Variants in EBF1 observed in about 807,000 individuals in gnomAD.
EBF1 encodes the protein transcription factor COE1.
In EBF1, 10 loss-of-function variants were observed where a neutral mutation model predicts 68.4. That is an observed-to-expected ratio of 0.15 (90% CI 0.09 to 0.25). The LOEUF (loss-of-function observed/expected upper bound fraction) is 0.25. Among genes scored for constraint, EBF1 ranks in the 10% least tolerant of loss-of-function variants. The probability of loss-of-function intolerance (pLI) is 1.00; values close to 1 mark genes in which losing one functional copy is unlikely to be tolerated. For missense variants in EBF1, 509 were observed against 794.4 expected (o/e 0.64, Z 4.32); for synonymous variants, 298 against 299.8 (o/e 0.99, Z 0.06).
In EBF1 at chr5:158,745,902, T is replaced by C. The variant is rs376410665; in HGVS notation, c.1037-14745A>G. On this transcript the variant is annotated intron_variant, in intron 10 of 15. Coordinates refer to ENST00000313708, the MANE Select transcript of EBF1 (RefSeq NM_024007.5). ...CTCTGATTCTTTCTTTCACGTGCCA[T>C]CCCAAGTGCTAGAGAGGCTTTCCTA... 2.6e-5 allele frequency among the ~76,000 whole-genome samples: 4 copies of C among 152,124 alleles called. No individual in the cohort carries two copies. The East Asian group carries it at 7.7e-4, about 29-fold the overall frequency.
At chr5:158,790,849 G>A (rs1310033300) in intron 9 of EBF1, among the ~76,000 whole-genome samples, 1 of 152,140 alleles carries the variant, frequency 6.6e-6, no homozygotes, top group Non-Finnish European at 1.5e-5. Context: ...GCAGTTTTGT[G>A]GCCAATTAAA....
chr5:158,998,342 T>C (rs182555744), intron 6 of EBF1, among the ~76,000 whole-genome samples: 2 of 152,288 alleles, frequency 1.3e-5, no homozygotes, highest in Non-Finnish European at 2.9e-5. Context: ...AAACTGCCCC[T>C]ACTCCGCAAG....
At chr5:159,089,640 C>T (rs972390877) in intron 4 of EBF1, among the ~76,000 whole-genome samples, 9 of 151,926 alleles carry the variant, frequency 5.9e-5, no homozygotes, top group African/African-American at 1.2e-4. Flanking sequence ...AAAATAAAGG[C>T]GGTGAAGAGA....
chr5:159,014,371 ATTAAAAAGAGCTATGTT>A (rs1006116669), intron 6 of EBF1, among the ~76,000 whole-genome samples: 5 of 152,236 alleles, frequency 3.3e-5, no homozygotes, highest in African/African-American at 1.2e-4. Flanking sequence ...CCATGTTTTA[ATTAAAAAGAGCTATGTT>A]TTAAATGATG....
At chr5:159,016,307 G>C (rs192482882) in intron 6 of EBF1, among the ~76,000 whole-genome samples, 2 of 152,146 alleles carry the variant, frequency 1.3e-5, no homozygotes, top group Non-Finnish European at 1.5e-5. Flanking sequence ...GAAGAACTTG[G>C]CCAGTGGCTT....
intron 6 of EBF1, among the ~76,000 whole-genome samples, chr5:159,038,039 C>T (rs1770437758): frequency 6.6e-6 from 1 of 152,172 alleles, no homozygotes; most frequent in Non-Finnish European, 1.5e-5. Context: ...TTTTGAAGAA[C>T]TCACCACACT....
chr5:158,793,256 A>C (rs558325916), intron 9 of EBF1, among the ~76,000 whole-genome samples: 67 of 152,320 alleles, frequency 4.4e-4, no homozygotes, highest in Non-Finnish European at 8.5e-4. Context: ...AGCTAATATT[A>C]GTCACACTCT....
At chr5:158,743,910 C>T (rs893798294) in intron 10 of EBF1, among the ~76,000 whole-genome samples, 1 of 152,094 alleles carries the variant, frequency 6.6e-6, no homozygotes. Flanking sequence ...GTGGCTCATG[C>T]CTGCAATCCC....
chr5:158,911,642 T>C (rs1178971216), intron 6 of EBF1, among the ~76,000 whole-genome samples: 1 of 150,806 alleles, frequency 6.6e-6, no homozygotes, highest in Non-Finnish European at 1.5e-5. Flanking sequence ...AATCATAACA[T>C]AATAATCATC....
At chr5:158,786,871 G>A (rs1456822572) in intron 9 of EBF1, among the ~76,000 whole-genome samples, 3 of 151,960 alleles carry the variant, frequency 2.0e-5, no homozygotes, top group Non-Finnish European at 4.4e-5. Context: ...AAGTAGTCAG[G>A]GAATAAATTC....
intron 15 of EBF1, among the ~76,000 whole-genome samples, chr5:158,703,216 A>C (rs983146964): frequency 6.6e-6 from 1 of 152,250 alleles, no homozygotes; most frequent in Non-Finnish European, 1.5e-5. Context: ...ATAGTTGGTG[A>C]CTCAAGTCTT....
intron 6 of EBF1, among the ~76,000 whole-genome samples, chr5:158,964,821 T>C (rs1753782372): frequency 6.6e-6 from 1 of 152,214 alleles, no homozygotes; most frequent in Non-Finnish European, 1.5e-5. Context: ...CTTTCCATTT[T>C]TTACTTGACA....
chr5:159,035,015 C>T (rs542869014), intron 6 of EBF1, among the ~76,000 whole-genome samples: 16 of 152,196 alleles, frequency 1.1e-4, no homozygotes, highest in Admixed American at 6.5e-5. Context: ...GGGGTATTTC[C>T]TACTAGAAAA....
chr5:159,097,059 T>A lies in EBF1; in HGVS notation c.206A>T (p.His69Leu). Residue 69 changes from histidine (H) to leucine (L), a missense_variant, in exon 2 of 16, where the codon CAC becomes CTC. By Grantham distance (99) the His-to-Leu change is moderately conservative. Transcript: ENST00000313708. ...PSNLRKSNFF[H>L]FVLALYDRQG... The stretch of plus-strand genomic sequence containing the variant: ...TCTGTCGTAGAGGGCCAGGACGAAG[T>A]GGAAGAAGTTGGATTTCCGCAGATT... 6.2e-7 allele frequency: 1 copy of A among 1,613,908 alleles called. No homozygotes were observed. Among genetic ancestry groups the A allele is most frequent in the Non-Finnish European group, 8.5e-7 (1 of 1,179,944 alleles).
In EBF1 at chr5:159,070,917, A is replaced by G. The variant is rs191520090; in HGVS notation, c.554+2479T>C. Among the ~76,000 whole-genome samples, 532 of 152,346 alleles carry G rather than the reference A, an allele frequency of 3.5e-3. 1 individual carries two copies. The highest frequency in any genetic ancestry group is 0.017 in the Middle Eastern group (5 of 294). ...AGATATTATGCAATCAGTAATATAG[A>G]ATCAAATTGGAAACTATGAAATTCA... On this transcript the variant is annotated intron_variant, in intron 6 of 15. Transcript: ENST00000313708.
intron 6 of EBF1, among the ~76,000 whole-genome samples, chr5:159,059,289 C>T (rs934540894): frequency 2.6e-5 from 4 of 152,120 alleles, no homozygotes; most frequent in Non-Finnish European, 5.9e-5. Flanking sequence ...CCTAATTCTG[C>T]CCTGATTATT....
intron 5 of EBF1, among the ~76,000 whole-genome samples, chr5:159,080,219 C>T (rs117462858): frequency 7.9e-5 from 12 of 152,190 alleles, no homozygotes; most frequent in African/African-American, 2.7e-4. Flanking sequence ...TGCCCAAACA[C>T]TTCATGCACC....
intron 6 of EBF1, among the ~76,000 whole-genome samples, chr5:158,969,040 G>A (rs951494852): frequency 1.3e-5 from 2 of 152,282 alleles, no homozygotes; most frequent in African/African-American, 2.4e-5. Flanking sequence ...GGTTGCTCAC[G>A]CCTGTAATCC....
chr5:158,776,259 GC>G (rs1371480047), intron 10 of EBF1, among the ~76,000 whole-genome samples: 2 of 152,018 alleles, frequency 1.3e-5, no homozygotes, highest in African/African-American at 4.8e-5. Context: ...TGTTTAAAGG[GC>G]TGGGAGGCAT....
Sources: gnomAD v4.1 joint callset for allele counts (sites outside exome capture counted in the v4.1 genomes callset) on GRCh38, gnomAD v4.1.1 for gene constraint, MANE v1.5 for transcripts, NCBI Gene and HGNC (gene_info 2026-07-23, HGNC 2026-07-21) for gene names.